The following RSPO2 variants were observed in gnomAD, a reference collection of about 807,000 sequenced individuals.
RSPO2 encodes R-spondin-2.
A neutral mutation model predicts 30.9 loss-of-function variants in RSPO2; 14 were observed. That is an observed-to-expected ratio of 0.45 (90% CI 0.30 to 0.71). RSPO2 has a LOEUF of 0.71. Among genes scored for constraint, RSPO2 ranks in the 30% least tolerant of loss-of-function variants. The pLI, the probability that RSPO2 is intolerant of heterozygous loss-of-function variation, is 0.08. For missense variants in RSPO2, 264 were observed against 301.9 expected, an observed-to-expected ratio of 0.87 and a Z score of 0.93; for synonymous variants, 107 against 96.4, an observed-to-expected ratio of 1.11 and a Z score of -0.64.
At chr8:108,079,513 T>G (rs1225574156) in intron 2 of RSPO2, among the ~76,000 whole-genome samples, 2 of 152,164 alleles carry the variant, frequency 1.3e-5, no homozygotes, top group Admixed American at 1.3e-4. Context: ...ATATTTGCTC[T>G]CCATTCCAAA....
At chr8:108,026,773 G>A (rs1811232847) in intron 2 of RSPO2, among the ~76,000 whole-genome samples, 1 of 152,066 alleles carries the variant, frequency 6.6e-6, no homozygotes, top group Non-Finnish European at 1.5e-5. Flanking sequence ...GACTGAGGCA[G>A]GAGAATCGCT....
At chr8:107,943,814 C>T (rs981001979) in intron 5 of RSPO2, among the ~76,000 whole-genome samples, 4 of 152,186 alleles carry the variant, frequency 2.6e-5, no homozygotes, top group Non-Finnish European at 5.9e-5. Context: ...CAATATCACT[C>T]TCACCATGTA....
At chr8:107,987,585 G>A (rs751555325) in intron 3 of RSPO2, among the ~76,000 whole-genome samples, 15 of 152,176 alleles carry the variant, frequency 9.9e-5, no homozygotes, top group Non-Finnish European at 2.2e-4. Flanking sequence ...GACATTTAAT[G>A]GGCAGGGACC....
chr8:107,900,975 G>T lies in RSPO2; in HGVS notation c.*100C>A. On this transcript the variant is annotated 3_prime_UTR_variant, in exon 6 of 6. Coordinates refer to ENST00000276659, the MANE Select transcript of RSPO2 (RefSeq NM_178565.5). ...TGTTACTGGGAACAGATACTGGGCA[G>T]AGCAGCACAAAGGCTGCACACCAGT... 7.8e-7 allele frequency: 1 copy of T among 1,275,330 alleles called. No homozygotes were observed. The highest frequency in any genetic ancestry group is 1.1e-6 in the Non-Finnish European group (1 of 909,766). The allele number at this position is 1,275,330 out of a possible 1,614,324, so 79.0% of individuals were successfully genotyped here. A position where few individuals can be genotyped will look rare whatever the true frequency, so the allele number is the denominator to read the frequency against.
At chr8:107,922,564 T>A (rs765135153) in intron 5 of RSPO2, among the ~76,000 whole-genome samples, 2 of 152,162 alleles carry the variant, frequency 1.3e-5, no homozygotes, top group Non-Finnish European at 2.9e-5. Context: ...AAACTACCAA[T>A]GACATTTTTC....
intron 2 of RSPO2, among the ~76,000 whole-genome samples, chr8:107,997,436 G>T (rs958719337): frequency 6.6e-6 from 1 of 152,078 alleles, no homozygotes; most frequent in Non-Finnish European, 1.5e-5. Context: ...CCTAAAGCCC[G>T]CTGAGATCCA....
At chr8:108,048,053 G>A (rs561049412) in intron 2 of RSPO2, among the ~76,000 whole-genome samples, 3 of 152,004 alleles carry the variant, frequency 2.0e-5, no homozygotes, top group Non-Finnish European at 4.4e-5. Context: ...ACTATGCCGC[G>A]TGCTTCTTAG....
Position 107,983,661 on chromosome 8 carries a change from G to A in RSPO2, c.283+5395C>T, listed in dbSNP as rs1486116393. The A allele has an allele frequency of 5.0e-6, 8 of 1,591,824 alleles. No individual in the cohort carries two copies. In the African/African-American group the frequency reaches 5.4e-5, roughly 11 times the overall value. On this transcript the variant is annotated intron_variant, in intron 3 of 5. Coordinates refer to ENST00000276659, the MANE Select transcript of RSPO2 (RefSeq NM_178565.5). ...AAATTGCAGATTTGAAGAGGCATGTGGAATTCCTTGTGGCAGAGAATTAAA... is the reference window on the plus strand; with the variant it reads ...AAATTGCAGATTTGAAGAGGCATGTAGAATTCCTTGTGGCAGAGAATTAAA...
At chr8:107,917,261 G>C (rs966469915) in intron 5 of RSPO2, among the ~76,000 whole-genome samples, 1 of 152,064 alleles carries the variant, frequency 6.6e-6, no homozygotes, top group Non-Finnish European at 1.5e-5. Context: ...AAGGCAGGCG[G>C]ATCAGCTGAG....
chr8:107,924,826 A>G (rs1300721250), intron 5 of RSPO2, among the ~76,000 whole-genome samples: 1 of 25,136 alleles, frequency 4.0e-5, no homozygotes, highest in Admixed American at 1.1e-3. Flanking sequence ...TAACATGCAC[A>G]CACACACACA....
chr8:107,938,053 A>T (rs1381571404), intron 5 of RSPO2, among the ~76,000 whole-genome samples: 2 of 152,252 alleles, frequency 1.3e-5, no homozygotes, highest in Admixed American at 1.3e-4. Flanking sequence ...ACACTCCGAC[A>T]ACATAAAAAC....
chr8:107,952,216 C>A (rs1403768999), intron 5 of RSPO2, among the ~76,000 whole-genome samples: 2 of 151,918 alleles, frequency 1.3e-5, no homozygotes, highest in Non-Finnish European at 2.9e-5. Flanking sequence ...AATAATTATA[C>A]ACTAACATTT....
Position 108,083,351 on chromosome 8 carries a change from G to A in RSPO2, c.-324C>T, listed in dbSNP as rs1813277314. The A allele has an allele frequency of 6.6e-6, 1 of 152,292 alleles. No homozygotes were observed. Among genetic ancestry groups the A allele is most frequent in the Non-Finnish European group, 1.5e-5 (1 of 68,126 alleles). The allele number at this position is 152,292 out of a possible 1,614,324, so 9.4% of individuals were successfully genotyped here. ...CTCTGGAATTCCAGCGGCCGCCGCGGGGTTGGCGACGCCAGGCAGGAGCGC... is the reference window on the plus strand; with the variant it reads ...CTCTGGAATTCCAGCGGCCGCCGCGAGGTTGGCGACGCCAGGCAGGAGCGC... On this transcript the variant is annotated 5_prime_UTR_variant, in exon 1 of 6. Coordinates refer to ENST00000276659, the MANE Select transcript of RSPO2 (RefSeq NM_178565.5).
chr8:107,986,096 G>A (rs1476689944), intron 3 of RSPO2, among the ~76,000 whole-genome samples: 5 of 152,184 alleles, frequency 3.3e-5, no homozygotes, highest in Non-Finnish European at 4.4e-5. Context: ...GAAGAGAAAA[G>A]TGGATATCAT....
intron 3 of RSPO2, among the ~76,000 whole-genome samples, chr8:107,982,009 C>CAAAAAAAAAAAAAAAAAAA (rs372977834): frequency 3.6e-5 from 2 of 55,372 alleles, no homozygotes; most frequent in Non-Finnish European, 6.4e-5. Context: ...ACAACAACAA[C>CAAAAAAAAAAAAAAAAAAA]AAAAAAAAAA....
chr8:108,036,175 A>G (rs1811589154), intron 2 of RSPO2, among the ~76,000 whole-genome samples: 1 of 152,142 alleles, frequency 6.6e-6, no homozygotes, highest in Admixed American at 6.5e-5. Flanking sequence ...AAACCTAAAA[A>G]ACACCCCACT....
intron 2 of RSPO2, among the ~76,000 whole-genome samples, chr8:108,024,424 A>G (rs1314719932): frequency 6.6e-6 from 1 of 151,704 alleles, no homozygotes; most frequent in Non-Finnish European, 1.5e-5. Context: ...TTTCCAACAT[A>G]TACTGTTAAG....
chr8:107,947,882 G>A (rs1026735386), intron 5 of RSPO2, among the ~76,000 whole-genome samples: 25 of 152,296 alleles, frequency 1.6e-4, no homozygotes, highest in African/African-American at 6.0e-4. Flanking sequence ...CAAATTCTGC[G>A]TTTCGGCCAG....
At chr8:107,918,188 C>T (rs950707296) in intron 5 of RSPO2, among the ~76,000 whole-genome samples, 40 of 152,060 alleles carry the variant, frequency 2.6e-4, no homozygotes, top group African/African-American at 9.2e-4. Flanking sequence ...AAATGTCTTC[C>T]GAGCTATGTA....
Sources: gnomAD v4.1 joint callset for allele counts (sites outside exome capture counted in the v4.1 genomes callset) on GRCh38, gnomAD v4.1.1 for gene constraint, MANE v1.5 for transcripts, NCBI Gene and HGNC (gene_info 2026-07-23, HGNC 2026-07-21) for gene names.